The following TRPM3 variants were observed in gnomAD, a reference collection of about 807,000 sequenced individuals.
TRPM3 encodes the protein transient receptor potential cation channel subfamily M member 3.
In TRPM3, 77 loss-of-function variants were observed where a neutral mutation model predicts 181.2. The ratio of observed to expected loss-of-function variants is 0.42; its 90% CI spans 0.35 to 0.51. The LOEUF (loss-of-function observed/expected upper bound fraction) is 0.51, where lower values mean the gene tolerates loss of function less well. Ranked by LOEUF, TRPM3 falls within the 20% of genes least tolerant of loss-of-function variation. The pLI, the probability that TRPM3 is intolerant of heterozygous loss-of-function variation, is 0.01. For synonymous variants in TRPM3, 745 were observed against 796.4 expected, an observed-to-expected ratio of 0.94 and a Z score of 1.09; for missense variants, 1,759 against 2,196.7, an observed-to-expected ratio of 0.80 and a Z score of 3.98.
chr9:71,091,295 C>A (rs1265968140), intron 1 of TRPM3, among the ~76,000 whole-genome samples: 1 of 151,954 alleles, frequency 6.6e-6, no homozygotes, highest in Non-Finnish European at 1.5e-5. Context: ...TTTCTGCTAC[C>A]CAAAATTCCT....
intron 6 of TRPM3, among the ~76,000 whole-genome samples, chr9:70,790,177 A>C (rs1166375547): frequency 1.3e-5 from 2 of 152,214 alleles, no homozygotes. Context: ...GATGATCTAA[A>C]GTGCGTATGG....
intron 6 of TRPM3, chr9:70,825,348 T>C (rs540560803): frequency 6.6e-6 from 1 of 152,282 alleles, no homozygotes. Context: ...CCTCTTACCA[T>C]TTAATTATTA....
intron 1 of TRPM3, among the ~76,000 whole-genome samples, chr9:71,172,634 GGACTGAAGT>G (rs1207187937): frequency 1.3e-5 from 2 of 152,006 alleles, no homozygotes; most frequent in Non-Finnish European, 2.9e-5. Flanking sequence ...TTGAACTCCT[GGACTGAAGT>G]GATCCCCCTG....
chr9:70,997,024 A>G (rs2097546860), intron 1 of TRPM3, among the ~76,000 whole-genome samples: 1 of 152,186 alleles, frequency 6.6e-6, no homozygotes, highest in Admixed American at 6.5e-5. Context: ...ACGTCAGTAT[A>G]TTCTCTTTAA....
intron 1 of TRPM3, among the ~76,000 whole-genome samples, chr9:70,992,819 A>T (rs2097501935): frequency 6.6e-6 from 1 of 152,236 alleles, no homozygotes; most frequent in South Asian, 2.1e-4. Context: ...AATAAATTTT[A>T]AAAAATCTTG....
At chr9:70,998,688 C>A (rs148910543) in intron 1 of TRPM3, among the ~76,000 whole-genome samples, 1 of 152,086 alleles carries the variant, frequency 6.6e-6, no homozygotes, top group African/African-American at 2.4e-5. Flanking sequence ...TTTTCCAGTC[C>A]GTTCTTCCTT....
intron 3 of TRPM3, among the ~76,000 whole-genome samples, chr9:70,850,422 TAAAAGAATAAAG>T (rs1736825863): frequency 6.6e-6 from 1 of 151,494 alleles, no homozygotes; most frequent in African/African-American, 2.4e-5. Flanking sequence ...TGCTATAAAA[TAAAAGAATAAAG>T]AAAAGAATAA....
At chr9:70,926,197 TTGA>T (rs1423344359) in intron 1 of TRPM3, among the ~76,000 whole-genome samples, 1 of 152,052 alleles carries the variant, frequency 6.6e-6, no homozygotes, top group Non-Finnish European at 1.5e-5. Context: ...TTTGTAAAAT[TTGA>T]TGAGAAATGG....
intron 1 of TRPM3, among the ~76,000 whole-genome samples, chr9:71,413,204 A>G (rs2093587004): frequency 6.6e-6 from 1 of 152,108 alleles, no homozygotes; most frequent in Non-Finnish European, 1.5e-5. Context: ...TATGTAACAA[A>G]CCTGCATGTT....
In TRPM3 at chr9:70,534,223, T is replaced by G. The variant is rs906899614; in HGVS notation, c.*1730A>C. ...CAGATTGTACGTGGTGTAAAAACTTTGTTTAGGAAAAGCGAGACTAAATGA... is the reference window on the plus strand; with the variant it reads ...CAGATTGTACGTGGTGTAAAAACTTGGTTTAGGAAAAGCGAGACTAAATGA... On this transcript the variant is annotated 3_prime_UTR_variant, in exon 26 of 26. Coordinates refer to ENST00000677713, the MANE Select transcript of TRPM3 (RefSeq NM_001366145.2). 1 of 152,204 alleles carries G rather than the reference T, an allele frequency of 6.6e-6. No individual in the cohort carries two copies. The highest frequency in any genetic ancestry group is 6.5e-5 in the Admixed American group (1 of 15,276). 9.4% of individuals were successfully genotyped at this position (152,204 alleles called of 1,614,324 possible).
chr9:70,541,243 C>A (rs761807520), intron 25 of TRPM3, among the ~76,000 whole-genome samples: 1 of 152,092 alleles, frequency 6.6e-6, no homozygotes, highest in Non-Finnish European at 1.5e-5. Flanking sequence ...GGAACAGGGC[C>A]AAGCAACTAT....
intron 1 of TRPM3, among the ~76,000 whole-genome samples, chr9:70,927,239 T>C (rs1479025656): frequency 6.6e-6 from 1 of 152,232 alleles, no homozygotes; most frequent in Admixed American, 6.5e-5. Flanking sequence ...GTTTGGAGAT[T>C]ATGTCTCCTT....
intron 1 of TRPM3, among the ~76,000 whole-genome samples, chr9:71,319,760 C>T (rs2089020428): frequency 6.6e-6 from 1 of 151,902 alleles, no homozygotes; most frequent in Non-Finnish European, 1.5e-5. Context: ...CTCAGAAATC[C>T]CACTACTTTG....
At chr9:70,957,353 G>A (rs1431773309) in intron 1 of TRPM3, among the ~76,000 whole-genome samples, 1 of 152,076 alleles carries the variant, frequency 6.6e-6, no homozygotes. Context: ...CCCATGAACT[G>A]TGAAATTTAG....
At chr9:70,657,170 A>G (rs1215523417) in intron 9 of TRPM3, among the ~76,000 whole-genome samples, 1 of 148,854 alleles carries the variant, frequency 6.7e-6, no homozygotes, top group African/African-American at 2.5e-5. Flanking sequence ...GGAAATTATA[A>G]TGGTCTTTCT....
At chr9:70,977,631 A>G (rs530111142) in intron 1 of TRPM3, among the ~76,000 whole-genome samples, 27 of 152,336 alleles carry the variant, frequency 1.8e-4, no homozygotes, top group African/African-American at 6.5e-4. Context: ...TTCAGACACC[A>G]ACAGTCAGTC....
chr9:71,009,428 A>G (rs961680402), intron 1 of TRPM3, among the ~76,000 whole-genome samples: 13 of 152,320 alleles, frequency 8.5e-5, no homozygotes, highest in African/African-American at 3.1e-4. Flanking sequence ...AAAATCATTA[A>G]AATTTCTATA....
rs565928644 is a variant in TRPM3 at position 71,031,562 on chromosome 9, C to T, written c.177+89616G>A. 9.9e-5 allele frequency among the ~76,000 whole-genome samples: 15 copies of T among 152,102 alleles called. No individual in the cohort carries two copies. The South Asian group carries it at 2.9e-3, about 30-fold the overall frequency. ...TAAAGTAGATATTTAAGAAAGCATG[C>T]CCACTATTGCTATGTTTGTGTTTTC... On this transcript the variant is annotated intron_variant, in intron 1 of 25. Transcript: ENST00000677713.
chr9:70,798,845 C>A (rs551572477), intron 6 of TRPM3, among the ~76,000 whole-genome samples: 1 of 152,250 alleles, frequency 6.6e-6, no homozygotes, highest in African/African-American at 2.4e-5. Context: ...CTTTTACAGG[C>A]CTTAACTACG....
Sources: allele counts gnomAD v4.1 joint callset (sites outside exome capture counted in the v4.1 genomes callset), GRCh38; gene constraint gnomAD v4.1.1; transcripts MANE v1.5; gene names NCBI Gene and HGNC (gene_info 2026-07-23, HGNC 2026-07-21).